The following ANOS1 variants were observed in gnomAD, a reference collection of about 807,000 sequenced individuals.
ANOS1 encodes anosmin 1, also known as anosmin-1.
A neutral mutation model predicts 59.0 loss-of-function variants in ANOS1; 6 were observed. That is an observed-to-expected ratio of 0.10 (90% CI 0.06 to 0.20). The LOEUF is 0.20. Ranked by LOEUF, ANOS1 falls within the 10% of genes least tolerant of loss-of-function variation. ANOS1 has a pLI of 1.00. For missense variants in ANOS1, 433 were observed against 542.3 expected, an observed-to-expected ratio of 0.80 and a Z score of 2.00; for synonymous variants, 217 against 223.4, an observed-to-expected ratio of 0.97 and a Z score of 0.25.
intron 1 of ANOS1, among the ~76,000 whole-genome samples, chrX:8,702,099 C>T (rs923183320): frequency 1.6e-4 from 18 of 111,026 alleles, no homozygotes; most frequent in Non-Finnish European, 3.4e-4. Context: ...TACTGAGTTC[C>T]GTACGTCCAC....
At chrX:8,643,475 C>A (rs746305178) in intron 2 of ANOS1, among the ~76,000 whole-genome samples, 1 of 111,640 alleles carries the variant, frequency 9.0e-6, no homozygotes, top group African/African-American at 3.2e-5. Flanking sequence ...ACCATAAGTT[C>A]TCATTAGATG....
At chrX:8,672,672 C>T (rs1033794286) in intron 2 of ANOS1, among the ~76,000 whole-genome samples, 1 of 111,617 alleles carries the variant, frequency 9.0e-6, no homozygotes, top group African/African-American at 3.3e-5. Context: ...GCACTCTGCT[C>T]CTCACTGACC....
chrX:8,558,560 A>G (rs1929983786), intron 8 of ANOS1, among the ~76,000 whole-genome samples: 1 of 111,687 alleles, frequency 9.0e-6, no homozygotes, highest in African/African-American at 3.3e-5. Flanking sequence ...GTAAATAATA[A>G]GTATGAATAA....
At chrX:8,610,525 G>C (rs1931036917) in intron 3 of ANOS1, among the ~76,000 whole-genome samples, 1 of 112,052 alleles carries the variant, frequency 8.9e-6, no homozygotes, top group African/African-American at 3.2e-5. Context: ...TGCATGAAGA[G>C]AGAAACCTAC....
intron 2 of ANOS1, among the ~76,000 whole-genome samples, chrX:8,641,901 G>T (rs1285708998): frequency 9.0e-6 from 1 of 111,440 alleles, no homozygotes; most frequent in Non-Finnish European, 1.9e-5. Context: ...TAGGTCAGGG[G>T]TTTGCAATAG....
chrX:8,584,425 TG>T (rs1930475415), intron 6 of ANOS1, among the ~76,000 whole-genome samples: 4 of 107,688 alleles, frequency 3.7e-5, no homozygotes, highest in Admixed American at 1.0e-4. Flanking sequence ...TTTGTTTGTT[TG>T]TTTTTAAAAA....
chrX:8,568,503 T>A, intron 7 of ANOS1, 127 bp from the exon 8 acceptor site: 1 of 642,038 alleles, frequency 1.6e-6, no homozygotes, highest in African/African-American at 2.2e-5. Flanking sequence ...CTTTTCTATA[T>A]CTTTGGGATC....
intron 3 of ANOS1, among the ~76,000 whole-genome samples, chrX:8,598,419 C>A (rs948998201): frequency 8.9e-6 from 1 of 112,086 alleles, no homozygotes; most frequent in African/African-American, 3.2e-5. Flanking sequence ...ACAGGAGCTG[C>A]AATTGGAAGA....
At chrX:8,686,235 T>A (rs1363051628) in intron 2 of ANOS1, among the ~76,000 whole-genome samples, 1 of 112,227 alleles carries the variant, frequency 8.9e-6, no homozygotes, top group Non-Finnish European at 1.9e-5. Context: ...TTCAAGAGAC[T>A]AAACAACTCA....
At chrX:8,709,961 C>T (rs1202508264) in intron 1 of ANOS1, among the ~76,000 whole-genome samples, 4 of 110,676 alleles carry the variant, frequency 3.6e-5, no homozygotes, top group African/African-American at 9.9e-5. Context: ...GATGGAGTCT[C>T]GCTCTGTTGC....
intron 1 of ANOS1, 142 bp from the exon 2 acceptor site, chrX:8,699,887 T>C (rs1215756884): frequency 2.5e-6 from 1 of 393,408 alleles, no homozygotes; most frequent in Non-Finnish European, 4.5e-6. Context: ...CCTGCTGTCC[T>C]TCCCTTCCAA....
intron 2 of ANOS1, among the ~76,000 whole-genome samples, chrX:8,696,421 A>G (rs1932685800): frequency 8.9e-6 from 1 of 112,254 alleles, no homozygotes; most frequent in South Asian, 3.7e-4. Flanking sequence ...GTGAGGAATG[A>G]GCTTTCGATT....
chrX:8,729,712 T>TAAAAAAAAAAAA (rs1173021674), intron 1 of ANOS1, among the ~76,000 whole-genome samples: 6 of 63,070 alleles, frequency 9.5e-5, no homozygotes, highest in African/African-American at 3.5e-4. Context: ...TTCTAATTAT[T>TAAAAAAAAAAAA]AAAAAAAAAA....
chrX:8,639,411 C>A (rs1931622966), intron 2 of ANOS1, among the ~76,000 whole-genome samples: 1 of 111,821 alleles, frequency 8.9e-6, no homozygotes, highest in South Asian at 3.8e-4. Context: ...CCAACTCATT[C>A]AGATTGTTAT....
In ANOS1 at chrX:8,535,690, G is replaced by A; in HGVS notation, c.1743C>T (p.Pro581=). ...WKMAKANLYQ[P]MTGFQVTWAE... ...CCCAAGTCACTTGAAACCCAGTCAT[G>A]GGCTGATAGAGATTGGCCTTGGCCA... The change falls in exon 12 of 14, where the codon CCC becomes CCT. Residue 581 remains proline, a synonymous_variant. Transcript: ENST00000262648. 1.7e-6 allele frequency: 2 copies of A among 1,210,374 alleles called. No homozygotes were observed. Among genetic ancestry groups the A allele is most frequent in the Non-Finnish European group, 2.2e-6 (2 of 893,903 alleles).
intron 1 of ANOS1, among the ~76,000 whole-genome samples, chrX:8,723,161 T>C (rs979927467): frequency 1.8e-5 from 2 of 112,600 alleles, no homozygotes; most frequent in African/African-American, 6.5e-5. Flanking sequence ...AAAGATTTCA[T>C]GACCAAATAC....
chrX:8,656,482 A>T (rs1310757708), intron 2 of ANOS1, among the ~76,000 whole-genome samples: 1 of 111,279 alleles, frequency 9.0e-6, no homozygotes, highest in East Asian at 2.8e-4. Flanking sequence ...AGCTGCTTGG[A>T]ACCTTTACTG....
In ANOS1 at chrX:8,568,365, A is replaced by C; in HGVS notation, c.1074T>G (p.Ser358=). 1 of 1,210,137 alleles carries C rather than the reference A, an allele frequency of 8.3e-7. No individual in the cohort carries two copies. Among genetic ancestry groups the C allele is most frequent in the Non-Finnish European group, 1.1e-6 (1 of 894,122 alleles). The part of the protein sequence containing the change: ...RRKTTDGFQN[S]VILEKLQPDC... ...CTGGCTGGAGTTTCTCCAGGATCAC[A>C]GAATTTTGAAACTAGAAATTAAGAG... The change falls in exon 8 of 14, where the codon TCT becomes TCG. Residue 358 remains serine, a synonymous_variant. Coordinates refer to ENST00000262648, the MANE Select transcript of ANOS1 (RefSeq NM_000216.4).
intron 8 of ANOS1, 70 bp downstream of exon 8, chrX:8,568,162 A>C: frequency 9.2e-7 from 1 of 1,082,675 alleles, no homozygotes; most frequent in Middle Eastern, 2.6e-4. Context: ...CTCTCCCTCC[A>C]TTGTGCCTTG....
Sources: gnomAD v4.1 joint callset for allele counts (sites outside exome capture counted in the v4.1 genomes callset) on GRCh38, gnomAD v4.1.1 for gene constraint, MANE v1.5 for transcripts, NCBI Gene and HGNC (gene_info 2026-07-23, HGNC 2026-07-21) for gene names.